CTH: variants seen among roughly 807,000 people sequenced by gnomAD.
CTH encodes the protein cystathionase (cystathionine gamma-lyase).
Under a neutral mutation model 50.6 loss-of-function variants are expected in CTH, and 41 were observed. The ratio of observed to expected loss-of-function variants is 0.81; its 90% CI spans 0.63 to 1.05. The LOEUF is 1.05. CTH is among the 50% of genes least tolerant of loss of function. The pLI is 0.00. For missense variants in CTH, 470 were observed against 492.6 expected, an observed-to-expected ratio of 0.95 and a Z score of 0.43; for synonymous variants, 156 against 168.9, an observed-to-expected ratio of 0.92 and a Z score of 0.59.
chr1:70,432,125 A>T lies in CTH; in HGVS notation c.767A>T (p.Asn256Ile). The T allele has an allele frequency of 6.2e-7, 1 of 1,614,178 alleles. No individual in the cohort carries two copies. Among genetic ancestry groups the T allele is most frequent in the Non-Finnish European group, 8.5e-7 (1 of 1,180,014 alleles). The change falls in exon 8 of 12, where the codon AAT (asparagine) becomes ATT (isoleucine). Residue 256 changes from asparagine (N) to isoleucine (I), a missense_variant. By Grantham distance (149) the Asn-to-Ile change is moderately radical. Transcript: ENST00000370938. ...VPSPIDCYLC[N>I]RGLKTLHVRM... ...TCTCCTATTGATTGTTACCTCTGCA[A>T]TCGAGGTCTGAAGACTCTACATGTC...
chr1:70,438,553 C>T (rs1684646974), intron 10 of CTH, 135 bp from the exon 11 acceptor site: 4 of 865,866 alleles, frequency 4.6e-6, no homozygotes, highest in African/African-American at 1.7e-5. Context: ...CTTTTTTTGC[C>T]TGTGAATTAT....
Position 70,432,199 on chromosome 1 carries a change from G to A in CTH, c.841G>A (p.Glu281Lys), listed in dbSNP as rs562934681. The change falls in exon 8 of 12, where the codon GAA (glutamate) becomes AAA (lysine). Residue 281 changes from glutamate (E) to lysine (K), a missense_variant. By Grantham distance (56) the Glu-to-Lys change is moderately conservative. Coordinates refer to ENST00000370938, the MANE Select transcript of CTH (RefSeq NM_001902.6). Reference sequence around the variant, plus strand: ...CGGAATGGCAGTTGCCCAGTTCCTGGAATCTAATCCTTGGGTAGAAAAGGT... The same window carrying A: ...CGGAATGGCAGTTGCCCAGTTCCTGAAATCTAATCCTTGGGTAGAAAAGGT... Reference protein sequence around the residue: ...KNGMAVAQFLESNPWVEKVIY... With the variant: ...KNGMAVAQFLKSNPWVEKVIY... 1.9e-6 allele frequency: 3 copies of A among 1,614,200 alleles called. No individual in the cohort carries two copies. The highest frequency in any genetic ancestry group is 2.7e-5 in the African/African-American group (2 of 75,066).
intron 3 of CTH, 64 bp downstream of exon 3, chr1:70,418,096 G>T (rs1046551323): frequency 2.6e-6 from 4 of 1,556,058 alleles, no homozygotes; most frequent in Non-Finnish European, 2.7e-6. Flanking sequence ...AGTGAGCCCT[G>T]AATTAATATT....
intron 6 of CTH, 31 bp from the exon 7 acceptor site, chr1:70,430,286 T>TTTTG (rs780283234): frequency 4.7e-6 from 6 of 1,288,900 alleles, no homozygotes; most frequent in Non-Finnish European, 1.1e-6. Flanking sequence ...TAACTGAAAT[T>TTTTG]TTTGTTTGTT....
chr1:70,422,609 CT>C (rs57429096), intron 4 of CTH, among the ~76,000 whole-genome samples: 1,622 of 127,160 alleles, frequency 0.013, 12 homozygotes, highest in African/African-American at 0.04. Context: ...TGGTCTGAGT[CT>C]TTTTTTTTTT....
In CTH at chr1:70,430,392, A is replaced by G; in HGVS notation, c.722A>G (p.Asn241Ser). Reference protein sequence around the residue: ...SLHNRLRFLQNSLGAVPSPID... With the variant: ...SLHNRLRFLQSSLGAVPSPID... ...CATAATAGACTTCGTTTCTTGCAAA[A>G]CTGTAAGTATTAAAAAGTGCAGGTT... Residue 241 changes from asparagine (N) to serine (S), a missense_variant and splice_region_variant, in exon 7 of 12, where the codon AAC becomes AGC. Asn to Ser is a conservative substitution (Grantham distance 46). Transcript: ENST00000370938. 1 of 1,530,194 alleles carries G rather than the reference A, an allele frequency of 6.5e-7. No homozygotes were observed. Among genetic ancestry groups the G allele is most frequent in the South Asian group, 1.1e-5 (1 of 89,348 alleles). 94.8% of individuals were successfully genotyped at this position (1,530,194 alleles called of 1,614,324 possible).
intron 5 of CTH, among the ~76,000 whole-genome samples, chr1:70,424,964 T>C (rs1684315896): frequency 6.6e-6 from 1 of 152,140 alleles, no homozygotes; most frequent in Non-Finnish European, 1.5e-5. Flanking sequence ...TTAGAGTGTG[T>C]AAACTCTGAA....
At chr1:70,425,963 GGCC>G (rs1684338506) in intron 5 of CTH, among the ~76,000 whole-genome samples, 1 of 151,960 alleles carries the variant, frequency 6.6e-6, no homozygotes, top group Non-Finnish European at 1.5e-5. Context: ...ACCTCCCAAA[GGCC>G]CACCTCCTAA....
At chr1:70,420,395 T>A (rs990780358) in intron 3 of CTH, among the ~76,000 whole-genome samples, 1 of 152,112 alleles carries the variant, frequency 6.6e-6, no homozygotes, top group Admixed American at 6.5e-5. Flanking sequence ...TAGATTCTCA[T>A]AAGGAGCATG....
chr1:70,421,678 A>G lies in CTH; in HGVS notation c.456+3A>G, dbSNP rs1684225599. 1.2e-6 allele frequency: 2 copies of G among 1,613,788 alleles called. No individual in the cohort carries two copies. ...CAGCAATTACACCAGAAACCAAGGT[A>G]ACTCAGCTCATTTTCAGTTTTGCCT... is the stretch of plus-strand genomic sequence containing the variant. On this transcript the variant is annotated splice_donor_region_variant and intron_variant, in intron 4 of 11. Transcript: ENST00000370938.
rs1156466362 is a variant in CTH, at chr1:70,432,162, G to A, written c.804G>A (p.Lys268=). Residue 268 remains lysine, a synonymous_variant, in exon 8 of 12, where the codon AAG becomes AAA. Coordinates refer to ENST00000370938, the MANE Select transcript of CTH (RefSeq NM_001902.6). Reference sequence around the variant, plus strand: ...AGACTCTACATGTCCGAATGGAAAAGCATTTCAAAAACGGAATGGCAGTTG... The same window carrying A: ...AGACTCTACATGTCCGAATGGAAAAACATTTCAAAAACGGAATGGCAGTTG... ...GLKTLHVRME[K]HFKNGMAVAQ... is the part of the protein sequence containing the mutation. 5 of 1,614,186 alleles carry A rather than the reference G, an allele frequency of 3.1e-6. No individual in the cohort carries two copies. In the South Asian group the frequency reaches 3.3e-5, roughly 11 times the overall value.
At chr1:70,422,980 T>C (rs1221076756) in intron 4 of CTH, among the ~76,000 whole-genome samples, 3 of 152,190 alleles carry the variant, frequency 2.0e-5, no homozygotes, top group African/African-American at 7.2e-5. Context: ...GAATTTTATA[T>C]AGTGACTCTA....
Position 70,411,489 on chromosome 1 carries a change from T to A in CTH, c.74T>A (p.Val25Glu), listed in dbSNP as rs745497978. 61 of 1,614,210 alleles carry A rather than the reference T, an allele frequency of 3.8e-5. No homozygotes were observed. The highest frequency in any genetic ancestry group is 5.0e-5 in the Non-Finnish European group (59 of 1,180,036). The change falls in exon 1 of 12, where the codon GTG becomes GAG. Residue 25 changes from valine to glutamate, a missense_variant. Val to Glu is a moderately radical substitution (Grantham distance 121). Transcript: ENST00000370938. ...CATTTCGCCACGCAGGCGATCCATG[T>A]GGGCCAGGATCCAGAGCAATGGACC... ...FQHFATQAIHVGQDPEQWTSR... is the reference protein window; with the variant it reads ...FQHFATQAIHEGQDPEQWTSR...
In CTH at chr1:70,429,856, G is replaced by T; in HGVS notation, c.646+5G>T. ...CTGCAACAAAATACATGAATGGTAA[G>T]ATGCATACTTTGAATGTTCTTTTTC... On this transcript the variant is annotated splice_donor_5th_base_variant and intron_variant, in intron 6 of 11. Coordinates refer to ENST00000370938, the MANE Select transcript of CTH (RefSeq NM_001902.6). The T allele has an allele frequency of 3.7e-6, 6 of 1,603,536 alleles. No individual in the cohort carries two copies. The highest frequency in any genetic ancestry group is 5.1e-6 in the Non-Finnish European group (6 of 1,170,524).
rs58815241 is a variant in CTH at position 70,438,840 on chromosome 1, TTGTGTGTGTGTG to T, written c.1191+32_1191+43del. On this transcript the variant is annotated intron_variant, in intron 11 of 11. Transcript: ENST00000370938. ...TTGAAGGCAGCAGTAAGTCTTATTA[TTGTGTGTGTGTG>T]TGTGTGTGTGTGTGTGTCTGCTTTA... The T allele has an allele frequency of 8.6e-5, 134 of 1,558,610 alleles. No homozygotes were observed. Among genetic ancestry groups the T allele is most frequent in the Non-Finnish European group, 1.1e-4 (127 of 1,143,100 alleles).
At chr1:70,416,141 A>G (rs1233887777) in intron 2 of CTH, 104 bp downstream of exon 2, 1 of 760,016 alleles carries the variant, frequency 1.3e-6, no homozygotes, top group Non-Finnish European at 2.3e-6. Context: ...TTGCTAGTTC[A>G]AAATTCCTGT....
chr1:70,432,082 G>A lies in CTH; in HGVS notation c.725-1G>A. Reference sequence around the variant, plus strand: ...TTATCCAGGATGTGTTCATTTTGCAGCTCTTGGAGCAGTTCCATCTCCTAT... The same window carrying A: ...TTATCCAGGATGTGTTCATTTTGCAACTCTTGGAGCAGTTCCATCTCCTAT... On this transcript the variant is annotated splice_acceptor_variant, in intron 7 of 11. Coordinates refer to ENST00000370938, the MANE Select transcript of CTH (RefSeq NM_001902.6). LOFTEE classifies it high-confidence loss of function. The A allele has an allele frequency of 1.9e-6, 3 of 1,613,942 alleles. No homozygotes were observed. Among genetic ancestry groups the A allele is most frequent in the Non-Finnish European group, 1.7e-6 (2 of 1,179,988 alleles).
intron 1 of CTH, among the ~76,000 whole-genome samples, chr1:70,414,096 C>A (rs551002174): frequency 4.3e-4 from 65 of 151,862 alleles, no homozygotes; most frequent in South Asian, 2.9e-3. Context: ...ACGGGAGGTA[C>A]CTTTCTGTGG....
In CTH at chr1:70,416,270, C is replaced by T. The variant is rs768190567; in HGVS notation, c.250+233C>T. ...AAATGAATAAAGGAAAAAATTCACA[C>T]GAATACTACATTTATTAATACTACA... On this transcript the variant is annotated intron_variant, in intron 2 of 11. Transcript: ENST00000370938. Among the ~76,000 whole-genome samples the T allele has an allele frequency of 1.1e-4, 16 of 152,094 alleles. No homozygotes were observed. The East Asian group carries it at 1.2e-3, about 11-fold the overall frequency.
Sources: allele counts gnomAD v4.1 joint callset (sites outside exome capture counted in the v4.1 genomes callset), GRCh38; gene constraint gnomAD v4.1.1; transcripts MANE v1.5; gene names NCBI Gene and HGNC (gene_info 2026-07-23, HGNC 2026-07-21).